Variants in TASOR2 observed in about 807,000 individuals in gnomAD.
TASOR2 encodes protein TASOR 2.
Under a neutral mutation model 199.5 loss-of-function variants are expected in TASOR2, and 84 were observed. That is an observed-to-expected ratio of 0.42 (90% confidence interval 0.35 to 0.50). The LOEUF (loss-of-function observed/expected upper bound fraction) is 0.50. TASOR2 is among the 20% of genes least tolerant of loss of function. The pLI, the probability that TASOR2 is intolerant of heterozygous loss-of-function variation, is 0.02. For synonymous variants in TASOR2, 1,103 were observed against 1,046.6 expected (o/e 1.05, Z -1.04); for missense variants, 2,796 against 2,835.9 (o/e 0.99, Z 0.32).
At chr10:5,695,182 A>G (rs183822002) in intron 1 of TASOR2, among the ~76,000 whole-genome samples, 23 of 152,334 alleles carry the variant, frequency 1.5e-4, no homozygotes, top group East Asian at 3.9e-4. Context: ...ACTAAACACT[A>G]TGTGCTAGGA....
exon 21 of TASOR2, chr10:5,763,171 T>C (rs1840150296): frequency 1.2e-6 from 1 of 815,080 alleles, no homozygotes; most frequent in Admixed American, 3.4e-5. Context: ...TGGAAAGTTT[T>C]CATTTTTTAT....
chr10:5,741,383 T>G (rs1836403294), intron 13 of TASOR2, among the ~76,000 whole-genome samples: 1 of 152,236 alleles, frequency 6.6e-6, no homozygotes, highest in African/African-American at 2.4e-5. Context: ...GTTTCACATC[T>G]GACTATATGG....
rs994991088 is a variant in TASOR2, at chr10:5,690,127, TTTAC to T, written c.-288+4956_-288+4959del. Among the ~76,000 whole-genome samples the T allele has an allele frequency of 2.6e-5, 4 of 152,202 alleles. No individual in the cohort carries two copies. Among genetic ancestry groups the T allele is most frequent in the African/African-American group, 9.6e-5 (4 of 41,464 alleles). ...GCTTTCAATATTTAATTTTTTCCTT[TTTAC>T]TTATTTATATTTGCTAAAAGATTAC... On this transcript the variant is annotated intron_variant, in intron 1 of 20. Transcript: ENST00000328090. This position sits in a 1 kb window ranked among gnomAD's most constrained non-coding sequence, Gnocchi z 4.8.
chr10:5,722,388 G>A lies in TASOR2; in HGVS notation c.147-1289G>A, dbSNP rs1833481321. On this transcript the variant is annotated intron_variant, in intron 6 of 20. Transcript: ENST00000328090. The surrounding 1 kb of genome is among the most constrained non-coding windows in gnomAD (Gnocchi z 4.0). ...GGAGAATCACTTGAACCTGGGAGGT[G>A]GAGGTTGCATTGAGCTGAGATCGCG... Among the ~76,000 whole-genome samples the A allele has an allele frequency of 6.6e-6, 1 of 152,048 alleles. No individual in the cohort carries two copies. Among genetic ancestry groups the A allele is most frequent in the Admixed American group, 6.6e-5 (1 of 15,264 alleles).
rs770071292 is a variant in TASOR2, at chr10:5,740,030, G to C, written c.1860G>C (p.Leu620Phe). ...CAGTTAGCCAAGATGAAGAAAGCTT[G>C]GTTCCTTGTAGTCAGGCCCCTGCTA... The change falls in exon 13 of 21, where the codon TTG (leucine) becomes TTC (phenylalanine). Residue 620 changes from leucine to phenylalanine, a missense_variant. This residue lies in a region of TASOR2 where 847 missense variants were observed against 887.4 expected (regional missense o/e 0.95). Coordinates refer to ENST00000328090, the Ensembl canonical transcript of TASOR2. This position sits in a 1 kb window ranked among gnomAD's most constrained non-coding sequence, Gnocchi z 5.3. 4.3e-6 allele frequency: 7 copies of C among 1,614,058 alleles called. No homozygotes were observed. The South Asian group carries it at 6.6e-5, about 15-fold the overall frequency.
Position 5,690,329 on chromosome 10 carries a change from C to T in TASOR2, c.-288+5154C>T, listed in dbSNP as rs1836285413. On this transcript the variant is annotated intron_variant, in intron 1 of 20. Transcript: ENST00000328090. The surrounding 1 kb of genome is among the most constrained non-coding windows in gnomAD (Gnocchi z 4.8). ...TACATTTAATCGGAGAACTAAATCC[C>T]TTGCTAATATTTTGTATAAAGATTC... 6.6e-6 allele frequency among the ~76,000 whole-genome samples: 1 copy of T among 152,134 alleles called. No homozygotes were observed. Among genetic ancestry groups the T allele is most frequent in the Admixed American group, 6.5e-5 (1 of 15,274 alleles).
At chr10:5,692,599 T>C (rs1225362499) in intron 1 of TASOR2, among the ~76,000 whole-genome samples, 1 of 152,032 alleles carries the variant, frequency 6.6e-6, no homozygotes, top group East Asian at 1.9e-4. Flanking sequence ...CCCTACCCGC[T>C]ACAAGCTCCG....
chr10:5,746,210 T>G lies in TASOR2; in HGVS notation c.2789T>G (p.Leu930Trp), dbSNP rs202156499. 316 of 1,585,468 alleles carry G rather than the reference T, an allele frequency of 2.0e-4. No individual in the cohort carries two copies. Among genetic ancestry groups the G allele is most frequent in the Non-Finnish European group, 2.6e-4 (307 of 1,164,126 alleles). The change falls in exon 15 of 21, where the codon TTG becomes TGG. Residue 930 changes from leucine to tryptophan, a missense_variant. Around this residue, in one of 3 missense-constraint regions of TASOR2, gnomAD observed 1,941 missense variants for 1,924.9 expected, o/e 1.01. Coordinates refer to ENST00000328090, the Ensembl canonical transcript of TASOR2. ...GGGGAAGAAGCTAAACAAGAATCAT[T>G]GGAGACTTCTAATCTTGTGCTTTCG...
At chr10:5,736,929 T>C (rs1835691333) in intron 12 of TASOR2, among the ~76,000 whole-genome samples, 1 of 152,096 alleles carries the variant, frequency 6.6e-6, no homozygotes, top group Non-Finnish European at 1.5e-5. Context: ...TCACAGAGAG[T>C]GAGAATTCAG....
At position 5,742,535 on chromosome 10, in the gene TASOR2, A is replaced by T. The variant is rs771146727; in HGVS notation, c.2757+9A>T. The T allele has an allele frequency of 6.3e-7, 1 of 1,594,240 alleles. No individual in the cohort carries two copies. Among genetic ancestry groups the T allele is most frequent in the Non-Finnish European group, 8.5e-7 (1 of 1,173,736 alleles). On this transcript the variant is annotated intron_variant, in intron 14 of 20. Coordinates refer to ENST00000328090, the Ensembl canonical transcript of TASOR2. This position sits in a 1 kb window ranked among gnomAD's most constrained non-coding sequence, Gnocchi z 4.2. The stretch of plus-strand genomic sequence containing the variant: ...GTTCTTACAATAATGAGGTATGTAA[A>T]GCTGAATACCGTTAAATGTTGGCAT...
At chr10:5,762,991 A>T (rs1564381527) in intron 20 of TASOR2, 38 bp from the exon 22 acceptor site, 2 of 1,601,464 alleles carry the variant, frequency 1.2e-6, no homozygotes, top group Non-Finnish European at 1.7e-6. Context: ...TGTTCGTATT[A>T]TTTTAAGAAG....
chr10:5,754,773 G>A lies in TASOR2; in HGVS notation c.6607-1840G>A, dbSNP rs1036470182. 5.9e-5 allele frequency among the ~76,000 whole-genome samples: 9 copies of A among 152,092 alleles called. No individual in the cohort carries two copies. The highest frequency in any genetic ancestry group is 8.8e-5 in the Non-Finnish European group (6 of 68,022). ...GAGAAAGTGGACACGGCCGGGCGCG[G>A]TGGCTCACGCCTGTAATCCCAGCAC... On this transcript the variant is annotated intron_variant, in intron 15 of 20. Transcript: ENST00000328090. This position sits in a 1 kb window ranked among gnomAD's most constrained non-coding sequence, Gnocchi z 4.3.
chr10:5,748,710 C>T lies in TASOR2; in HGVS notation c.5289C>T (p.Thr1763=). 6.2e-7 allele frequency: 1 copy of T among 1,614,180 alleles called. No individual in the cohort carries two copies. The highest frequency in any genetic ancestry group is 1.3e-5 in the African/African-American group (1 of 75,034). The change falls in exon 15 of 21, where the codon ACC becomes ACT. Residue 1763 remains threonine, a synonymous_variant. Transcript: ENST00000328090. The surrounding 1 kb of genome is among the most constrained non-coding windows in gnomAD (Gnocchi z 5.1). ...GTCCCTACCAAAATACAGCAGACAC[C>T]AAGGAAAACCTCAGTAAAGAGCCTT... is the stretch of plus-strand genomic sequence containing the variant.
intron 3 of TASOR2, among the ~76,000 whole-genome samples, chr10:5,718,514 G>A (rs1471185849): frequency 2.6e-5 from 4 of 151,840 alleles, no homozygotes; most frequent in African/African-American, 7.3e-5. Flanking sequence ...TTGGGAGGCC[G>A]AGGCGGGTGG....
intron 14 of TASOR2, among the ~76,000 whole-genome samples, chr10:5,745,890 CT>C (rs1444075560): frequency 1.2e-4 from 18 of 152,132 alleles, no homozygotes; most frequent in African/African-American, 4.1e-4. Context: ...CATTTAAAGT[CT>C]TTTAAATTGT....
At chr10:5,727,860 T>G (rs905298777) in intron 10 of TASOR2, among the ~76,000 whole-genome samples, 1 of 152,218 alleles carries the variant, frequency 6.6e-6, no homozygotes, top group African/African-American at 2.4e-5. Context: ...TCTTGTATTC[T>G]ACTGTATCCC....
In TASOR2 at chr10:5,685,521, G is replaced by A. The variant is rs1042535522; in HGVS notation, c.-288+346G>A. On this transcript the variant is annotated intron_variant, in intron 1 of 20. Transcript: ENST00000328090. This position sits in a 1 kb window ranked among gnomAD's most constrained non-coding sequence, Gnocchi z 5.4. ...GTTCTTGGCTGAAGTTTCCGTCTTC[G>A]GGTTTGCACCGGCTGGGAAATCATT... Among the ~76,000 whole-genome samples the A allele has an allele frequency of 1.1e-4, 16 of 152,176 alleles. No homozygotes were observed. Among genetic ancestry groups the A allele is most frequent in the African/African-American group, 3.9e-4 (16 of 41,438 alleles).
At chr10:5,727,957 C>T (rs1471413269) in intron 10 of TASOR2, among the ~76,000 whole-genome samples, 2 of 152,132 alleles carry the variant, frequency 1.3e-5, no homozygotes, top group Non-Finnish European at 2.9e-5. Context: ...CACGGCAGCT[C>T]ACACCTGTAA....
rs543461908 is a variant in TASOR2, at chr10:5,761,385, GATC to G, written c.7093_7095del (p.Ser2365del). 1.8e-4 allele frequency: 287 copies of G among 1,613,854 alleles called. 4 individuals carry two copies. The South Asian group carries it at 2.9e-3, about 16-fold the overall frequency. The stretch of plus-strand genomic sequence containing the variant: ...CTTCATTATCACCAGTGTGACTCTC[GATC>G]ATCAACAAAAGCAGAAATTCTGAAA... On this transcript the variant is annotated inframe_deletion, in exon 19 of 21. Coordinates refer to ENST00000328090, the Ensembl canonical transcript of TASOR2.
Sources: gnomAD v4.1 joint callset for allele counts (sites outside exome capture counted in the v4.1 genomes callset) on GRCh38, gnomAD v4.1.1 for gene constraint, gnomAD v4.1.1 regional missense constraint, Gnocchi (gnomAD v3.1) non-coding constraint, MANE v1.5 for transcripts, NCBI Gene and HGNC (gene_info 2026-07-23, HGNC 2026-07-21) for gene names.